Variants in COL27A1 observed in about 807,000 individuals in gnomAD.
COL27A1 encodes collagen alpha-1(XXVII) chain.
A neutral mutation model predicts 251.3 loss-of-function variants in COL27A1; 106 were observed. That is an observed-to-expected ratio of 0.42 (90% confidence interval 0.36 to 0.50). The LOEUF (loss-of-function observed/expected upper bound fraction) is 0.50, where lower values mean the gene tolerates loss of function less well. Among genes scored for constraint, COL27A1 ranks in the 20% least tolerant of loss-of-function variants. COL27A1 has a pLI of 0.00. For synonymous variants in COL27A1, 1,000 were observed against 986.3 expected, an observed-to-expected ratio of 1.01 and a Z score of -0.26; for missense variants, 2,325 against 2,522.8, an observed-to-expected ratio of 0.92 and a Z score of 1.68.
rs1284756178 is a variant in COL27A1, at chr9:114,290,335, A to G, written c.4368+4A>G. On this transcript the variant is annotated splice_donor_region_variant and intron_variant, in intron 47 of 60. Coordinates refer to ENST00000356083, the MANE Select transcript of COL27A1 (RefSeq NM_032888.4). The surrounding 1 kb of genome is among the most constrained non-coding windows in gnomAD (Gnocchi z 4.6). The stretch of plus-strand genomic sequence containing the variant: ...GGACGGGCAAGCAGGACAGCAGGTG[A>G]GCGGGAATTGGCATTAACAGATGGT... 1 of 1,570,062 alleles carries G rather than the reference A, an allele frequency of 6.4e-7. No individual in the cohort carries two copies. Among genetic ancestry groups the G allele is most frequent in the Non-Finnish European group, 8.6e-7 (1 of 1,156,876 alleles).
intron 1 of COL27A1, among the ~76,000 whole-genome samples, chr9:114,158,868 A>T (rs116977177): frequency 6.6e-6 from 1 of 152,356 alleles, no homozygotes; most frequent in East Asian, 1.9e-4. Flanking sequence ...CCATGGAGAC[A>T]AGTCAAATGA....
rs75890035 is a variant in COL27A1, at chr9:114,258,602, G to T, written c.3195+8G>T. 1.9e-6 allele frequency: 3 copies of T among 1,613,512 alleles called. No individual in the cohort carries two copies. Among genetic ancestry groups the T allele is most frequent in the Non-Finnish European group, 2.5e-6 (3 of 1,179,884 alleles). ...GGAGCAAAGGGACGTCGGGTAAGTC[G>T]AGCCCAGCTCCTGGGGGCTGATGCT... On this transcript the variant is annotated splice_region_variant and intron_variant, in intron 28 of 60. Transcript: ENST00000356083.
intron 7 of COL27A1, among the ~76,000 whole-genome samples, chr9:114,202,866 G>C (rs984459632): frequency 8.5e-5 from 13 of 152,080 alleles, no homozygotes; most frequent in Non-Finnish European, 1.6e-4. Context: ...CGTGTTCTCT[G>C]TCTGTAACTT....
At chr9:114,214,272 G>A (rs759543417) in intron 12 of COL27A1, among the ~76,000 whole-genome samples, 2 of 152,152 alleles carry the variant, frequency 1.3e-5, no homozygotes, top group Non-Finnish European at 2.9e-5. Flanking sequence ...CCAAGCTTTA[G>A]GCCAGACAGT....
chr9:114,199,714 A>T lies in COL27A1; in HGVS notation c.2124+3702A>T, dbSNP rs138183623. The stretch of plus-strand genomic sequence containing the variant: ...GCCTCTTTGGGCTAGTGGGCAACCC[A>T]CTAGTGTCAACACATTGCTTAGACT... On this transcript the variant is annotated intron_variant, in intron 7 of 60. Coordinates refer to ENST00000356083, the MANE Select transcript of COL27A1 (RefSeq NM_032888.4). Among the ~76,000 whole-genome samples the T allele has an allele frequency of 5.8e-3, 882 of 152,256 alleles. 3 individuals carry two copies. The highest frequency in any genetic ancestry group is 0.02 in the South Asian group (95 of 4,820).
intron 7 of COL27A1, among the ~76,000 whole-genome samples, chr9:114,202,387 G>A (rs371709037): frequency 1.3e-5 from 2 of 152,258 alleles, no homozygotes; most frequent in Middle Eastern, 3.4e-3. Context: ...GGTAGAATAC[G>A]GCAGAGTGAG....
intron 7 of COL27A1, among the ~76,000 whole-genome samples, chr9:114,202,482 C>T (rs1829645501): frequency 6.6e-6 from 1 of 152,196 alleles, no homozygotes; most frequent in Non-Finnish European, 1.5e-5. Context: ...AAAAGTTTCA[C>T]TTGTTCTTCC....
intron 31 of COL27A1, 27 bp downstream of exon 31, chr9:114,265,137 T>C: frequency 4.0e-6 from 4 of 1,003,886 alleles, no homozygotes; most frequent in South Asian, 1.3e-5. Context: ...CTTGAAATTC[T>C]CTACATGGGG....
At chr9:114,165,896 A>G (rs1438276055) in intron 2 of COL27A1, among the ~76,000 whole-genome samples, 1 of 150,542 alleles carries the variant, frequency 6.6e-6, no homozygotes, top group African/African-American at 2.5e-5. Flanking sequence ...CTACCTATCT[A>G]TCCATCAATT....
chr9:114,307,653 C>T lies in COL27A1; in HGVS notation c.5108-16C>T, dbSNP rs751268680. 4.5e-6 allele frequency: 7 copies of T among 1,567,188 alleles called. No homozygotes were observed. The highest frequency in any genetic ancestry group is 6.2e-6 in the Non-Finnish European group (7 of 1,137,194). On this transcript the variant is annotated splice_polypyrimidine_tract_variant and intron_variant, in intron 58 of 60. Coordinates refer to ENST00000356083, the MANE Select transcript of COL27A1 (RefSeq NM_032888.4). Reference sequence around the variant, plus strand: ...CCCCAGATACATACATCACCTCCATCCCACGCTGCCTGCAGGTACCTACTG... The same window carrying T: ...CCCCAGATACATACATCACCTCCATTCCACGCTGCCTGCAGGTACCTACTG...
rs375466948 is a variant in COL27A1, at chr9:114,310,483, A to C, written c.5437-66A>C. On this transcript the variant is annotated intron_variant, in intron 60 of 60. Transcript: ENST00000356083. Reference sequence around the variant, plus strand: ...AAATTGTGAGGAAAGATGGAAGGGAAAATGCTCATGATGTATGATAAGAAT... The same window carrying C: ...AAATTGTGAGGAAAGATGGAAGGGACAATGCTCATGATGTATGATAAGAAT... 3 of 1,574,542 alleles carry C rather than the reference A, an allele frequency of 1.9e-6. No individual in the cohort carries two copies. The East Asian group carries it at 6.7e-5, about 35-fold the overall frequency.
intron 13 of COL27A1, 141 bp from the exon 14 acceptor site, chr9:114,222,082 G>A: frequency 1.5e-6 from 1 of 666,220 alleles, no homozygotes; most frequent in Non-Finnish European, 2.7e-6. Context: ...GCTCAGGAAA[G>A]TCGCTGGAGC....
chr9:114,250,568 C>A, intron 24 of COL27A1, 47 bp from the exon 25 acceptor site: 1 of 1,571,294 alleles, frequency 6.4e-7, no homozygotes, highest in South Asian at 1.1e-5. Flanking sequence ...AGGGCTGGGT[C>A]CCCGGATTCA....
chr9:114,305,391 C>T (rs1828964369), intron 57 of COL27A1, among the ~76,000 whole-genome samples: 2 of 152,114 alleles, frequency 1.3e-5, no homozygotes, highest in Non-Finnish European at 2.9e-5. Flanking sequence ...GGATCCAGTG[C>T]GGCTGGAGAA....
intron 35 of COL27A1, among the ~76,000 whole-genome samples, chr9:114,269,985 T>C (rs1427373314): frequency 6.6e-6 from 1 of 152,166 alleles, no homozygotes; most frequent in Non-Finnish European, 1.5e-5. Context: ...CAGGGGCGTC[T>C]CTAGAGCTGG....
intron 12 of COL27A1, among the ~76,000 whole-genome samples, chr9:114,216,657 C>G (rs1445478249): frequency 6.6e-6 from 1 of 152,142 alleles, no homozygotes; most frequent in Non-Finnish European, 1.5e-5. Context: ...TGTGATTGTT[C>G]CAATCAGAGA....
At chr9:114,215,547 T>C (rs1830660579) in intron 12 of COL27A1, among the ~76,000 whole-genome samples, 1 of 152,102 alleles carries the variant, frequency 6.6e-6, no homozygotes, top group South Asian at 2.1e-4. Context: ...GGTAAAAACA[T>C]GTTTAGACCA....
At chr9:114,222,407 G>A in intron 14 of COL27A1, 140 bp downstream of exon 14, 1 of 703,158 alleles carries the variant, frequency 1.4e-6, no homozygotes. Context: ...GGGGCTGGGG[G>A]GCCAGGAGAG....
intron 28 of COL27A1, among the ~76,000 whole-genome samples, chr9:114,260,339 G>A (rs1834231903): frequency 6.6e-6 from 1 of 152,214 alleles, no homozygotes; most frequent in African/African-American, 2.4e-5. Flanking sequence ...CACAACCTAT[G>A]AGATCGGCCC....
Sources: gnomAD v4.1 joint callset for allele counts (sites outside exome capture counted in the v4.1 genomes callset) on GRCh38, gnomAD v4.1.1 for gene constraint, Gnocchi (gnomAD v3.1) non-coding constraint, MANE v1.5 for transcripts, NCBI Gene and HGNC (gene_info 2026-07-23, HGNC 2026-07-21) for gene names.